The following GCNT1 variants were observed in gnomAD, a reference collection of about 807,000 sequenced individuals.
GCNT1 encodes glucosaminyl (N-acetyl) transferase 1.
GCNT1 carries 16 observed loss-of-function variants against 26.2 expected under a neutral mutation model. The observed-to-expected ratio is 0.61, with a 90% confidence interval of 0.41 to 0.93. The LOEUF (loss-of-function observed/expected upper bound fraction) is 0.93. Among genes scored for constraint, GCNT1 ranks in the 40% least tolerant of loss-of-function variants. The pLI is 0.00. For synonymous variants in GCNT1, 183 were observed against 190.8 expected (o/e 0.96, Z 0.34); for missense variants, 477 against 526.7 (o/e 0.91, Z 0.92).
At chr9:76,437,006 T>C (rs2131579416), upstream of GCNT1, among the ~76,000 whole-genome samples, 1 of 152,022 alleles carries the variant, frequency 6.6e-6, no homozygotes, top group South Asian at 2.1e-4. Context: ...ATACCTAATG[T>C]AAATGATAAG....
At chr9:76,464,676 G>A (rs201428624) in intron 2 of GCNT1, among the ~76,000 whole-genome samples, 1 of 152,252 alleles carries the variant, frequency 6.6e-6, no homozygotes, top group East Asian at 1.9e-4. Flanking sequence ...CTCTCAAGTA[G>A]TTGAGACTAT....
At chr9:76,501,872 T>A (rs1825079171) in intron 3 of GCNT1, 1 of 152,238 alleles carries the variant, frequency 6.6e-6, no homozygotes. Context: ...AACTATAGAC[T>A]GTTCAATCAT....
chr9:76,501,128 T>G (rs1370225756), intron 3 of GCNT1, 67 bp downstream of exon 3: 1 of 152,240 alleles, frequency 6.6e-6, no homozygotes, highest in African/African-American at 2.4e-5. Context: ...TCATTTTTAT[T>G]TGTATTATTA....
At chr9:76,477,929 T>A (rs950385286) in intron 2 of GCNT1, among the ~76,000 whole-genome samples, 1 of 152,190 alleles carries the variant, frequency 6.6e-6, no homozygotes, top group Non-Finnish European at 1.5e-5. Context: ...CTTGGAGAAC[T>A]TTTGTGTCTA....
chr9:76,478,870 TATTGTATTTTA>T lies in GCNT1; in HGVS notation c.-290+18695_-290+18705del, dbSNP rs535338659. Among the ~76,000 whole-genome samples, 16 of 152,386 alleles carry T rather than the reference TATTGTATTTTA, an allele frequency of 1.0e-4. No homozygotes were observed. The South Asian group carries it at 3.3e-3, about 32-fold the overall frequency. On this transcript the variant is annotated intron_variant, in intron 2 of 3. Coordinates refer to ENST00000376730, the MANE Select transcript of GCNT1 (RefSeq NM_001490.5). Reference sequence around the variant, plus strand: ...GCAATACATTTTATTTATCTATTTTTATTGTATTTTAAGTTCTAGGGTACATGTGCACAATG... The same window carrying T: ...GCAATACATTTTATTTATCTATTTTTAGTTCTAGGGTACATGTGCACAATG...
the GCNT1 span, chr9:76,398,617 T>C: frequency 1.3e-6 from 1 of 793,458 alleles, no homozygotes; most frequent in Non-Finnish European, 2.1e-6. Flanking sequence ...ACCTATTTGT[T>C]TTTGCTTTCC....
intron 2 of GCNT1, among the ~76,000 whole-genome samples, chr9:76,474,522 A>G (rs959331002): frequency 6.6e-5 from 10 of 152,220 alleles, no homozygotes; most frequent in African/African-American, 2.4e-4. Context: ...ACAAAAACAA[A>G]TGATATTTTG....
chr9:76,483,246 GACT>G (rs1186328016), intron 2 of GCNT1, among the ~76,000 whole-genome samples: 2 of 152,090 alleles, frequency 1.3e-5, no homozygotes, highest in African/African-American at 4.8e-5. Flanking sequence ...AGTTGCATGT[GACT>G]ACTAGCTAAC....
At chr9:76,437,263 T>C (rs959122230), upstream of GCNT1, among the ~76,000 whole-genome samples, 2 of 152,112 alleles carry the variant, frequency 1.3e-5, no homozygotes, top group Non-Finnish European at 2.9e-5. Flanking sequence ...CGGTTCAGCA[T>C]TCTAAGTCAC....
chr9:76,482,887 A>G (rs903937402), intron 2 of GCNT1, among the ~76,000 whole-genome samples: 1 of 150,074 alleles, frequency 6.7e-6, no homozygotes, highest in East Asian at 2.0e-4. Context: ...CCTGGACTCA[A>G]GTGATCCTCC....
the GCNT1 span, among the ~76,000 whole-genome samples, chr9:76,397,387 A>G: frequency 7.9e-5 from 12 of 151,996 alleles, no homozygotes; most frequent in Non-Finnish European, 1.6e-4. Context: ...ACTACCATTT[A>G]CATGTCAAGT....
chr9:76,445,825 A>T (rs113808133), intron 1 of GCNT1, among the ~76,000 whole-genome samples: 3 of 147,512 alleles, frequency 2.0e-5, no homozygotes, highest in African/African-American at 7.5e-5. Context: ...AAAATAGAAA[A>T]TACGAAAATT....
the GCNT1 span, among the ~76,000 whole-genome samples, chr9:76,410,633 A>AT: frequency 6.6e-6 from 1 of 152,064 alleles, no homozygotes; most frequent in African/African-American, 2.4e-5. Context: ...AACTAATAAC[A>AT]TTTTTTAAGG....
At chr9:76,450,069 G>A (rs1029072174) in intron 1 of GCNT1, among the ~76,000 whole-genome samples, 14 of 152,088 alleles carry the variant, frequency 9.2e-5, no homozygotes, top group African/African-American at 2.9e-4. Flanking sequence ...CACTGCGCCC[G>A]GCCCTATTCG....
the GCNT1 span, among the ~76,000 whole-genome samples, chr9:76,403,411 T>G: frequency 1.3e-5 from 2 of 152,242 alleles, no homozygotes; most frequent in Non-Finnish European, 2.9e-5. Context: ...GCAAATGCAA[T>G]GTTAAATTCT....
At chr9:76,430,587 T>C (rs187010357) in intron 1 of GCNT1, among the ~76,000 whole-genome samples, 1 of 152,176 alleles carries the variant, frequency 6.6e-6, no homozygotes, top group Non-Finnish European at 1.5e-5. Context: ...GGTCTCACTA[T>C]GTTGCCTAGG....
chr9:76,443,934 G>GAAGA (rs1206279247), intron 1 of GCNT1, among the ~76,000 whole-genome samples: 1,705 of 38,966 alleles, frequency 0.044, 13 homozygotes, highest in East Asian at 0.094. Flanking sequence ...AGGAAGAAAG[G>GAAGA]AAGGAAGGAA....
At chr9:76,484,662 G>A (rs1050242405) in intron 2 of GCNT1, among the ~76,000 whole-genome samples, 4 of 152,006 alleles carry the variant, frequency 2.6e-5, no homozygotes, top group Non-Finnish European at 4.4e-5. Context: ...GTGCAGAATG[G>A]CCTAGTATTA....
intron 1 of GCNT1, among the ~76,000 whole-genome samples, chr9:76,430,977 T>C (rs1823330426): frequency 6.6e-6 from 1 of 152,210 alleles, no homozygotes; most frequent in Non-Finnish European, 1.5e-5. Context: ...TGAGCCACTG[T>C]ACCTGGCCTC....
Sources: allele counts gnomAD v4.1 joint callset (sites outside exome capture counted in the v4.1 genomes callset), GRCh38; gene constraint gnomAD v4.1.1; transcripts MANE v1.5; gene names NCBI Gene and HGNC (gene_info 2026-07-23, HGNC 2026-07-21).